The following HIVEP2 variants were observed in gnomAD, a reference collection of about 807,000 sequenced individuals.
HIVEP2 encodes the protein HIVEP zinc finger 2.
HIVEP2 carries 14 observed loss-of-function variants against 180.7 expected under a neutral mutation model. The observed-to-expected ratio is 0.08, with a 90% confidence interval of 0.05 to 0.12. The LOEUF is 0.12. Among genes scored for constraint, HIVEP2 ranks in the 10% least tolerant of loss-of-function variants. HIVEP2 has a pLI of 1.00. For synonymous variants in HIVEP2, 1,184 were observed against 1,136.4 expected, an observed-to-expected ratio of 1.04 and a Z score of -0.84; for missense variants, 2,579 against 3,008.5, an observed-to-expected ratio of 0.86 and a Z score of 3.34.
At chr6:142,930,136 C>T (rs151191700) in intron 1 of HIVEP2, among the ~76,000 whole-genome samples, 20 of 152,268 alleles carry the variant, frequency 1.3e-4, no homozygotes, top group East Asian at 5.8e-4. Context: ...ACACACTAAA[C>T]GACTGTGTTG....
At chr6:142,884,449 C>A (rs915804631) in intron 1 of HIVEP2, among the ~76,000 whole-genome samples, 2 of 151,816 alleles carry the variant, frequency 1.3e-5, no homozygotes, top group African/African-American at 4.8e-5. Flanking sequence ...TTTAATTTTG[C>A]CTAATTGTCA....
At chr6:142,879,670 A>G (rs181061528) in intron 1 of HIVEP2, among the ~76,000 whole-genome samples, 16 of 152,078 alleles carry the variant, frequency 1.1e-4, no homozygotes, top group Admixed American at 9.2e-4. Flanking sequence ...CAACCATCCC[A>G]GGCCATCTGA....
intron 7 of HIVEP2, among the ~76,000 whole-genome samples, chr6:142,763,259 A>G (rs188688976): frequency 6.6e-6 from 1 of 152,294 alleles, no homozygotes; most frequent in Non-Finnish European, 1.5e-5. Flanking sequence ...AGAGGGAAGG[A>G]GAGTGGCGGG....
In HIVEP2 at chr6:142,772,832, T is replaced by C. The variant is rs771630127; in HGVS notation, c.1907A>G (p.Tyr636Cys). Reference sequence around the variant, plus strand: ...GGGTTTCCGACAGACATCATAGTCATACCCAACCCTGTCCCCAGGAGACAA... The same window carrying C: ...GGGTTTCCGACAGACATCATAGTCACACCCAACCCTGTCCCCAGGAGACAA... Reference protein sequence around the residue: ...KKLSPGDRVGYDYDVCRKPYK... With the variant: ...KKLSPGDRVGCDYDVCRKPYK... Residue 636 changes from tyrosine to cysteine, a missense_variant, in exon 5 of 10, where the codon TAT becomes TGT. This residue lies in a region of HIVEP2 where 524 missense variants were observed against 563.6 expected (regional missense o/e 0.93). Coordinates refer to ENST00000367603, the MANE Select transcript of HIVEP2 (RefSeq NM_006734.4). The surrounding 1 kb of genome is among the most constrained non-coding windows in gnomAD (Gnocchi z 4.9). 9.9e-6 allele frequency: 16 copies of C among 1,614,218 alleles called. No homozygotes were observed. The highest frequency in any genetic ancestry group is 1.4e-5 in the Non-Finnish European group (16 of 1,180,044).
chr6:142,925,926 A>G (rs1194648071), intron 1 of HIVEP2, among the ~76,000 whole-genome samples: 3 of 152,228 alleles, frequency 2.0e-5, no homozygotes, highest in Admixed American at 6.5e-5. Flanking sequence ...TGTGTGTCCA[A>G]AAGAACAATC....
At chr6:142,847,502 G>A (rs1236764072) in intron 1 of HIVEP2, among the ~76,000 whole-genome samples, 1 of 152,114 alleles carries the variant, frequency 6.6e-6, no homozygotes, top group East Asian at 1.9e-4. Context: ...CTATGGTAGT[G>A]GGACTTGAGT....
At chr6:142,836,186 T>C (rs1775217304) in intron 2 of HIVEP2, among the ~76,000 whole-genome samples, 1 of 152,134 alleles carries the variant, frequency 6.6e-6, no homozygotes, top group Non-Finnish European at 1.5e-5. Flanking sequence ...AAAGGGTTAA[T>C]TAAAGTATGA....
rs753337491 is a variant in HIVEP2 at position 142,772,246 on chromosome 6, A to G, written c.2493T>C (p.Pro831=). The G allele has an allele frequency of 6.2e-7, 1 of 1,614,178 alleles. No homozygotes were observed. Among genetic ancestry groups the G allele is most frequent in the South Asian group, 1.1e-5 (1 of 91,082 alleles). Residue 831 remains proline (P), a synonymous_variant, in exon 5 of 10, where the codon CCT becomes CCC. Coordinates refer to ENST00000367603, the MANE Select transcript of HIVEP2 (RefSeq NM_006734.4). The surrounding 1 kb of genome is among the most constrained non-coding windows in gnomAD (Gnocchi z 4.9). ...ELVACTQDKA[P]SPSETCDSEI... ...CACTGTCACAAGTCTCTGAAGGGGA[A>G]GGGGCTTTATCCTGTGTGCAAGCCA... is the stretch of plus-strand genomic sequence containing the variant.
Position 142,767,253 on chromosome 6 carries a change from A to G in HIVEP2, c.5342+1129T>C, listed in dbSNP as rs1158221359. On this transcript the variant is annotated intron_variant, in intron 6 of 9. Transcript: ENST00000367603. Reference sequence around the variant, plus strand: ...GACCTCTCAGTCTCTGAGGAGAGATAAAATCTATATTTCTCTCGTTTGTGT... The same window carrying G: ...GACCTCTCAGTCTCTGAGGAGAGATGAAATCTATATTTCTCTCGTTTGTGT... Among the ~76,000 whole-genome samples, 11 of 152,336 alleles carry G rather than the reference A, an allele frequency of 7.2e-5. No homozygotes were observed. The East Asian group carries it at 1.2e-3, about 16-fold the overall frequency.
intron 1 of HIVEP2, among the ~76,000 whole-genome samples, chr6:142,876,136 G>A (rs563397508): frequency 6.6e-6 from 1 of 152,266 alleles, no homozygotes; most frequent in South Asian, 2.1e-4. Context: ...GTGGTCAACT[G>A]TTCAAAACGT....
At chr6:142,938,967 T>TA (rs1778114519) in intron 1 of HIVEP2, among the ~76,000 whole-genome samples, 1 of 152,188 alleles carries the variant, frequency 6.6e-6, no homozygotes, top group Non-Finnish European at 1.5e-5. Context: ...CAGTGGCCCA[T>TA]TCCTTATACA....
In HIVEP2 at chr6:142,789,849, G is replaced by C. The variant is rs1192702291; in HGVS notation, c.-527-6234C>G. ...ATAATCAAAGAAACAGAAAATAACAGTAGTTAAGGATCAATGCTCCACTGA... is the reference window on the plus strand; with the variant it reads ...ATAATCAAAGAAACAGAAAATAACACTAGTTAAGGATCAATGCTCCACTGA... On this transcript the variant is annotated intron_variant, in intron 2 of 9. Coordinates refer to ENST00000367603, the MANE Select transcript of HIVEP2 (RefSeq NM_006734.4). 2.6e-5 allele frequency among the ~76,000 whole-genome samples: 4 copies of C among 152,182 alleles called. No individual in the cohort carries two copies. In the South Asian group the frequency reaches 6.2e-4, roughly 24 times the overall value.
At chr6:142,881,357 G>A (rs567867461) in intron 1 of HIVEP2, among the ~76,000 whole-genome samples, 1 of 152,248 alleles carries the variant, frequency 6.6e-6, no homozygotes, top group East Asian at 1.9e-4. Context: ...AAATTTAAAA[G>A]TTTGGAAAGA....
chr6:142,936,318 A>G (rs552191339), intron 1 of HIVEP2, among the ~76,000 whole-genome samples: 16 of 151,458 alleles, frequency 1.1e-4, no homozygotes, highest in African/African-American at 3.6e-4. Flanking sequence ...TCTGCCTCCC[A>G]AGTAGCTGGG....
At chr6:142,759,329 T>A (rs1308741324) in intron 9 of HIVEP2, among the ~76,000 whole-genome samples, 1 of 152,090 alleles carries the variant, frequency 6.6e-6, no homozygotes, top group African/African-American at 2.4e-5. Context: ...ATAAAAATTT[T>A]AAAAATAAAA....
chr6:142,809,365 A>C (rs1489980825), intron 2 of HIVEP2, among the ~76,000 whole-genome samples: 3 of 151,076 alleles, frequency 2.0e-5, no homozygotes, highest in Non-Finnish European at 3.0e-5. Context: ...CCCTCTCCTC[A>C]CTCTTGGCAC....
At chr6:142,918,261 G>C (rs1777609294) in intron 1 of HIVEP2, among the ~76,000 whole-genome samples, 1 of 152,052 alleles carries the variant, frequency 6.6e-6, no homozygotes, top group South Asian at 2.1e-4. Context: ...GGCCAGGCTG[G>C]TCTCAAAGTC....
intron 8 of HIVEP2, among the ~76,000 whole-genome samples, chr6:142,760,910 C>T (rs1022564139): frequency 6.6e-6 from 1 of 152,148 alleles, no homozygotes; most frequent in Non-Finnish European, 1.5e-5. Context: ...GACTTTATAT[C>T]TCAGACATCA....
In HIVEP2 at chr6:142,919,949, A is replaced by G. The variant is rs12174991; in HGVS notation, c.-641+25150T>C. Among the ~76,000 whole-genome samples the G allele has an allele frequency of 8.3e-3, 1,259 of 152,376 alleles. 79 individuals carry two copies. The East Asian group carries it at 0.17, about 20-fold the overall frequency. On this transcript the variant is annotated intron_variant, in intron 1 of 9. Coordinates refer to ENST00000367603, the MANE Select transcript of HIVEP2 (RefSeq NM_006734.4). The stretch of plus-strand genomic sequence containing the variant: ...CCTATTCAAAGGATGTAACAACAGA[A>G]GTTGAAAAACACTTTGTTCTGTATA...
Sources: gnomAD v4.1 joint callset for allele counts (sites outside exome capture counted in the v4.1 genomes callset) on GRCh38, gnomAD v4.1.1 for gene constraint, gnomAD v4.1.1 regional missense constraint, Gnocchi (gnomAD v3.1) non-coding constraint, MANE v1.5 for transcripts, NCBI Gene and HGNC (gene_info 2026-07-23, HGNC 2026-07-21) for gene names.